The following KDM6B variants were observed in gnomAD, a reference collection of about 807,000 sequenced individuals.
KDM6B encodes lysine-specific demethylase 6B.
In KDM6B, 22 loss-of-function variants were observed where a neutral mutation model predicts 150.4. The observed-to-expected ratio is 0.15, with a 90% CI of 0.10 to 0.21. The LOEUF is 0.21. KDM6B is among the 10% of genes least tolerant of loss of function. The pLI is 1.00. For synonymous variants in KDM6B, 1,148 were observed against 921.1 expected (o/e 1.25, Z -4.46); for missense variants, 1,984 against 2,234.3 (o/e 0.89, Z 2.26).
In KDM6B at chr17:7,843,774, GGCTCCCTA is replaced by G. The variant is rs1567786121; in HGVS notation, c.-268-1126_-268-1119del. Among the ~76,000 whole-genome samples the G allele has an allele frequency of 3.3e-5, 5 of 152,060 alleles. No individual in the cohort carries two copies. The highest frequency in any genetic ancestry group is 1.2e-4 in the African/African-American group (5 of 41,414). On this transcript the variant is annotated intron_variant, in intron 2 of 23. Coordinates refer to ENST00000448097, the MANE Select transcript of KDM6B (RefSeq NM_001348716.2). This position sits in a 1 kb window ranked among gnomAD's most constrained non-coding sequence, Gnocchi z 4.5. Reference sequence around the variant, plus strand: ...ATGGACCGATCCCGGGAGCCGAGTCGGCTCCCTACCTGCGGGGACGCCGGGTAGGCAAG... The same window carrying G: ...ATGGACCGATCCCGGGAGCCGAGTCGCCTGCGGGGACGCCGGGTAGGCAAG...
At position 7,846,820 on chromosome 17, in the gene KDM6B, C is replaced by G; in HGVS notation, c.713C>G (p.Thr238Ser). 6.2e-7 allele frequency: 1 copy of G among 1,613,238 alleles called. No homozygotes were observed. Among genetic ancestry groups the G allele is most frequent in the Non-Finnish European group, 8.5e-7 (1 of 1,179,898 alleles). ...TTCTCACACTCTCTTCTCTCCTAGACTGGCCTTCCCCCAGGGCTGCCACTG... is the reference window on the plus strand; with the variant it reads ...TTCTCACACTCTCTTCTCTCCTAGAGTGGCCTTCCCCCAGGGCTGCCACTG... ...KRRRGCNSEQ[T>S]GLPPGLPLPP... The change falls in exon 10 of 24, where the codon ACT (threonine) becomes AGT (serine). Residue 238 changes from threonine to serine, a missense_variant and splice_region_variant. By Grantham distance (58) the Thr-to-Ser change is moderately conservative. Coordinates refer to ENST00000448097, the MANE Select transcript of KDM6B (RefSeq NM_001348716.2).
intron 14 of KDM6B, among the ~76,000 whole-genome samples, 163 bp downstream of exon 14, chr17:7,850,340 C>T (rs939921222): frequency 6.6e-6 from 1 of 152,178 alleles, no homozygotes; most frequent in Non-Finnish European, 1.5e-5. Flanking sequence ...TGTCTGTCTC[C>T]AGCATTTGGC....
intron 7 of KDM6B, 22 bp from the exon 8 acceptor site, chr17:7,846,378 C>A: frequency 1.7e-6 from 1 of 599,600 alleles, no homozygotes; most frequent in Non-Finnish European, 3.0e-6. Flanking sequence ...TCTGCCCCTG[C>A]CCCGTGTCCC....
intron 23 of KDM6B, 45 bp from the exon 24 acceptor site, chr17:7,853,453 C>G: frequency 6.6e-7 from 1 of 1,512,314 alleles, no homozygotes; most frequent in Non-Finnish European, 8.8e-7. Context: ...CTTCGGGAGC[C>G]CGGCCGCGCC....
At chr17:7,838,210 T>G (rs1597817746) in intron 1 of KDM6B, among the ~76,000 whole-genome samples, 2 of 12,096 alleles carry the variant, frequency 1.7e-4, no homozygotes, top group African/African-American at 3.6e-4. Context: ...TTGGGGTGGG[T>G]GGGTGGAGAG....
At position 7,852,983 on chromosome 17, in the gene KDM6B, A is replaced by G; in HGVS notation, c.4611-17A>G. 6.2e-7 allele frequency: 1 copy of G among 1,613,186 alleles called. No homozygotes were observed. The highest frequency in any genetic ancestry group is 8.5e-7 in the Non-Finnish European group (1 of 1,179,864). Reference sequence around the variant, plus strand: ...CCTCCTTGCCGGTGGTCTCAACACAACCCCACTGCTCCCCAGGTTCTGCCT... The same window carrying G: ...CCTCCTTGCCGGTGGTCTCAACACAGCCCCACTGCTCCCCAGGTTCTGCCT... On this transcript the variant is annotated splice_polypyrimidine_tract_variant and intron_variant, in intron 21 of 23. Coordinates refer to ENST00000448097, the MANE Select transcript of KDM6B (RefSeq NM_001348716.2).
At position 7,851,028 on chromosome 17, in the gene KDM6B, C is replaced by T. The variant is rs544478856; in HGVS notation, c.3681C>T (p.Gly1227=). The T allele has an allele frequency of 1.2e-6, 2 of 1,605,538 alleles. No individual in the cohort carries two copies. Among genetic ancestry groups the T allele is most frequent in the East Asian group, 2.3e-5 (1 of 44,422 alleles). ...GLAGSLRLNL[G]LFSTKTLVEA... is the part of the protein sequence containing the mutation. ...CTCGGCCCTCCCTTCCAGACTTGGGCCTCTTCTCCACCAAGACCCTGGTGG... is the reference window on the plus strand; with the variant it reads ...CTCGGCCCTCCCTTCCAGACTTGGGTCTCTTCTCCACCAAGACCCTGGTGG... Residue 1227 remains glycine, a synonymous_variant, in exon 15 of 24, where the codon GGC becomes GGT. Coordinates refer to ENST00000448097, the MANE Select transcript of KDM6B (RefSeq NM_001348716.2).
Position 7,848,712 on chromosome 17 carries a change from C to T in KDM6B, c.2424C>T (p.Ala808=), listed in dbSNP as rs2078621747. 6.2e-7 allele frequency: 1 copy of T among 1,613,002 alleles called. No homozygotes were observed. The change falls in exon 12 of 24, where the codon GCC becomes GCT. Residue 808 remains alanine (A), a synonymous_variant. Coordinates refer to ENST00000448097, the MANE Select transcript of KDM6B (RefSeq NM_001348716.2). ...PSPASLLKSL[A]SVLEGQKYCY... is the part of the protein sequence containing the mutation. The stretch of plus-strand genomic sequence containing the variant: ...CGGCCAGCCTGCTCAAATCCTTGGC[C>T]TCCGTGCTGGAGGGACAAAAGTACT...
intron 19 of KDM6B, 40 bp downstream of exon 19, chr17:7,852,105 G>A (rs1399619501): frequency 5.6e-6 from 9 of 1,613,604 alleles, no homozygotes; most frequent in African/African-American, 2.7e-5. Context: ...CCGCGTCCCC[G>A]CCCTCGGTCC....
chr17:7,848,933 G>C lies in KDM6B; in HGVS notation c.2645G>C (p.Arg882Pro), dbSNP rs757595438. Residue 882 changes from arginine to proline, a missense_variant, in exon 12 of 24, where the codon CGC (arginine) becomes CCC (proline). Physicochemically the swap from Arg to Pro is moderately radical, Grantham distance 103 (BLOSUM62 -2). This residue lies in a region of KDM6B where 1,379 missense variants were observed against 1,275.6 expected (regional missense o/e 1.08). Transcript: ENST00000448097. ...TCAGGCGGGCCCTGGGCCCGGGAGC[G>C]CAGGGCGGGCGAAGAGCCAGTCCCG... Reference protein sequence around the residue: ...STSGGPWARERRAGEEPVPGP... With the variant: ...STSGGPWAREPRAGEEPVPGP... The C allele has an allele frequency of 3.8e-6, 6 of 1,597,304 alleles. No homozygotes were observed. Among genetic ancestry groups the C allele is most frequent in the South Asian group, 1.1e-5 (1 of 89,926 alleles).
intron 9 of KDM6B, 27 bp downstream of exon 9, chr17:7,846,767 A>C (rs749361030): frequency 1.2e-6 from 2 of 1,613,868 alleles, no homozygotes; most frequent in Admixed American, 1.7e-5. Context: ...GCCAGCAGGC[A>C]GTAAGTAGGC....
Position 7,849,735 on chromosome 17 carries a change from C to G in KDM6B, c.3440+7C>G, listed in dbSNP as rs761332233. 6.2e-7 allele frequency: 1 copy of G among 1,612,354 alleles called. No individual in the cohort carries two copies. ...ACGTCGTGCGCGCCAGCAGGTGAGT[C>G]GGCTGCCTGCTTGCTTGTCCCGGAG... On this transcript the variant is annotated splice_region_variant and intron_variant, in intron 12 of 23. Transcript: ENST00000448097.
intron 22 of KDM6B, 39 bp from the exon 23 acceptor site, chr17:7,853,171 C>T (rs201815954): frequency 6.2e-6 from 10 of 1,613,922 alleles, no homozygotes; most frequent in Non-Finnish European, 8.5e-6. Context: ...TCCACAGTGG[C>T]CCTCCCTCCC....
At chr17:7,840,070 G>C (rs2078391458) in intron 2 of KDM6B, 46 bp downstream of exon 2, 1 of 152,586 alleles carries the variant, frequency 6.6e-6, no homozygotes, top group African/African-American at 2.4e-5. Flanking sequence ...GTCTAACTCT[G>C]CACCACATGG....
Position 7,846,591 on chromosome 17 carries a change from T to C in KDM6B, c.562T>C (p.Tyr188His). ...TTTTTGTTCTCAGCACAAACGGAAC[T>C]ATGGAGCCAAGCGGGGAGGTCCCCC... ...NLLHLEHKRN[Y>H]GAKRGGPPVK... The change falls in exon 9 of 24, where the codon TAT (tyrosine) becomes CAT (histidine). Residue 188 changes from tyrosine (Y) to histidine (H), a missense_variant. Around this residue, in one of 13 missense-constraint regions of KDM6B, gnomAD observed 337 missense variants for 323.9 expected, o/e 1.04. Coordinates refer to ENST00000448097, the MANE Select transcript of KDM6B (RefSeq NM_001348716.2). 6.2e-7 allele frequency: 1 copy of C among 1,614,020 alleles called. No homozygotes were observed. Among genetic ancestry groups the C allele is most frequent in the Non-Finnish European group, 8.5e-7 (1 of 1,179,990 alleles).
intron 2 of KDM6B, among the ~76,000 whole-genome samples, chr17:7,842,742 C>G (rs1275345195): frequency 6.6e-6 from 1 of 151,888 alleles, no homozygotes; most frequent in Non-Finnish European, 1.5e-5. Context: ...CTGCCTCTGA[C>G]TGTGTGTCTG....
At position 7,849,738 on chromosome 17, in the gene KDM6B, C is replaced by T. The variant is rs1206783768; in HGVS notation, c.3440+10C>T. ...TCGTGCGCGCCAGCAGGTGAGTCGG[C>T]TGCCTGCTTGCTTGTCCCGGAGACA... On this transcript the variant is annotated intron_variant, in intron 12 of 23. Transcript: ENST00000448097. 1 of 1,612,444 alleles carries T rather than the reference C, an allele frequency of 6.2e-7. No individual in the cohort carries two copies. The highest frequency in any genetic ancestry group is 1.7e-5 in the Admixed American group (1 of 60,024).
At chr17:7,846,013 G>T in intron 6 of KDM6B, 43 bp downstream of exon 6, 2 of 1,603,840 alleles carry the variant, frequency 1.2e-6, no homozygotes, top group Non-Finnish European at 8.5e-7. Flanking sequence ...AGGTAAGGCT[G>T]GGGCCTTGAA....
intron 12 of KDM6B, 41 bp from the exon 13 acceptor site, chr17:7,849,780 C>T (rs374309494): frequency 1.2e-6 from 2 of 1,612,872 alleles, no homozygotes; most frequent in Non-Finnish European, 1.7e-6. Context: ...CTTCCCCCAT[C>T]ACCCTGATGT....
Sources: gnomAD v4.1 joint callset for allele counts (sites outside exome capture counted in the v4.1 genomes callset) on GRCh38, gnomAD v4.1.1 for gene constraint, gnomAD v4.1.1 regional missense constraint, Gnocchi (gnomAD v3.1) non-coding constraint, MANE v1.5 for transcripts, NCBI Gene and HGNC (gene_info 2026-07-23, HGNC 2026-07-21) for gene names.